The following DNAJC1 variants were observed in gnomAD, a reference collection of about 807,000 sequenced individuals.
The protein encoded by DNAJC1 is DnaJ heat shock protein family (Hsp40) member C1, also known as dnaJ homolog subfamily C member 1.
DNAJC1 carries 58 observed loss-of-function variants against 76.6 expected under a neutral mutation model. That is an observed-to-expected ratio of 0.76 (90% CI 0.61 to 0.94). The LOEUF (loss-of-function observed/expected upper bound fraction) is 0.94, where lower values mean the gene tolerates loss of function less well. Among genes scored for constraint, DNAJC1 ranks in the 40% least tolerant of loss-of-function variants. The probability of loss-of-function intolerance (pLI) is 0.00; values close to 1 mark genes in which losing one functional copy is unlikely to be tolerated. For synonymous variants in DNAJC1, 258 were observed against 267.9 expected (o/e 0.96, Z 0.36); for missense variants, 689 against 677.3 (o/e 1.02, Z -0.19).
At chr10:21,759,087 G>A (rs978972151) in intron 11 of DNAJC1, 83 bp downstream of exon 11, 124 of 1,369,544 alleles carry the variant, frequency 9.1e-5, no homozygotes, top group Non-Finnish European at 1.1e-4. Context: ...TAGGAATGAG[G>A]GAAGAAGCTG....
chr10:21,777,035 TAATAAGGTGCTATGTACA>T (rs1834461306), intron 9 of DNAJC1, among the ~76,000 whole-genome samples: 3 of 152,190 alleles, frequency 2.0e-5, no homozygotes. Flanking sequence ...TAACTATACA[TAATAAGGTGCTATGTACA>T]AATCAGAGTA....
chr10:21,840,947 C>T (rs1275336711), intron 8 of DNAJC1, among the ~76,000 whole-genome samples: 2 of 152,074 alleles, frequency 1.3e-5, no homozygotes, highest in Admixed American at 6.5e-5. Context: ...GAAATAATGC[C>T]GCATATCTAC....
intron 8 of DNAJC1, among the ~76,000 whole-genome samples, chr10:21,849,168 C>T (rs956006267): frequency 1.3e-5 from 2 of 151,688 alleles, no homozygotes; most frequent in African/African-American, 4.8e-5. Context: ...TGGCACGCAC[C>T]TGTAATCCCA....
chr10:21,784,029 A>T, intron 9 of DNAJC1, among the ~76,000 whole-genome samples: 1 of 152,254 alleles, frequency 6.6e-6, no homozygotes, highest in South Asian at 2.1e-4. Context: ...AAGCAATGGC[A>T]ACAAAAGCCA....
At chr10:21,967,429 A>G (rs1162364781) in intron 1 of DNAJC1, among the ~76,000 whole-genome samples, 1 of 152,138 alleles carries the variant, frequency 6.6e-6, no homozygotes, top group East Asian at 1.9e-4. Flanking sequence ...CTTGCACCAC[A>G]GTGTTCTAGG....
chr10:21,828,057 G>A (rs374010346), intron 8 of DNAJC1, among the ~76,000 whole-genome samples: 214 of 152,254 alleles, frequency 1.4e-3, no homozygotes, highest in African/African-American at 4.9e-3. Context: ...CCCCATCAGC[G>A]TCAATGAGAG....
At chr10:21,783,137 T>C (rs1396067276) in intron 9 of DNAJC1, among the ~76,000 whole-genome samples, 5 of 152,204 alleles carry the variant, frequency 3.3e-5, no homozygotes, top group Non-Finnish European at 5.9e-5. Context: ...GACATGATTG[T>C]ATATTTAGAA....
At chr10:21,791,372 T>C (rs113440029) in intron 9 of DNAJC1, among the ~76,000 whole-genome samples, 1 of 152,162 alleles carries the variant, frequency 6.6e-6, no homozygotes, top group Non-Finnish European at 1.5e-5. Flanking sequence ...TGAATTTGAA[T>C]TGCATCTTAG....
chr10:21,922,659 C>T (rs916877170), intron 3 of DNAJC1, among the ~76,000 whole-genome samples: 7 of 151,892 alleles, frequency 4.6e-5, no homozygotes, highest in Non-Finnish European at 7.4e-5. Context: ...AATACTGATT[C>T]ATTTTAAATG....
intron 8 of DNAJC1, among the ~76,000 whole-genome samples, chr10:21,877,474 T>A (rs1326196116): frequency 6.6e-6 from 1 of 152,026 alleles, no homozygotes; most frequent in Non-Finnish European, 1.5e-5. Context: ...GAACTCTTTA[T>A]AATCCAGTCT....
At chr10:21,804,930 C>T (rs1564792233) in intron 9 of DNAJC1, among the ~76,000 whole-genome samples, 1 of 152,112 alleles carries the variant, frequency 6.6e-6, no homozygotes, top group Non-Finnish European at 1.5e-5. Flanking sequence ...AAATCTGCAA[C>T]TTGAGCGCCA....
chr10:21,909,406 G>A (rs1836816158), intron 6 of DNAJC1, among the ~76,000 whole-genome samples: 3 of 151,938 alleles, frequency 2.0e-5, no homozygotes, highest in Admixed American at 2.0e-4. Context: ...TAGGATATGT[G>A]GTGATTATAT....
At chr10:21,788,807 C>T (rs1412854331) in intron 9 of DNAJC1, among the ~76,000 whole-genome samples, 6 of 152,158 alleles carry the variant, frequency 3.9e-5, no homozygotes, top group South Asian at 2.1e-4. Flanking sequence ...CCAGAGCACA[C>T]CTTCTTCCCT....
chr10:21,765,585 G>A (rs572709524), intron 10 of DNAJC1, among the ~76,000 whole-genome samples: 3 of 152,172 alleles, frequency 2.0e-5, no homozygotes, highest in Admixed American at 6.5e-5. Flanking sequence ...GGTGGCTCAC[G>A]CCTGTAATCC....
chr10:21,852,215 G>A (rs1223510756), intron 8 of DNAJC1, among the ~76,000 whole-genome samples: 1 of 151,964 alleles, frequency 6.6e-6, no homozygotes, highest in African/African-American at 2.4e-5. Context: ...AAAGGAGGCA[G>A]AAACAAAAGG....
intron 8 of DNAJC1, among the ~76,000 whole-genome samples, chr10:21,869,824 T>G (rs1836073130): frequency 1.3e-5 from 2 of 152,250 alleles, no homozygotes; most frequent in Admixed American, 1.3e-4. Flanking sequence ...GACATTGTAC[T>G]ACAGTTACAA....
intron 9 of DNAJC1, among the ~76,000 whole-genome samples, chr10:21,791,640 C>A (rs1012967929): frequency 3.3e-5 from 5 of 151,910 alleles, no homozygotes; most frequent in African/African-American, 7.3e-5. Context: ...CCTGAACGAC[C>A]AATTGGTCAA....
intron 8 of DNAJC1, among the ~76,000 whole-genome samples, chr10:21,860,405 A>C (rs970225862): frequency 2.0e-5 from 3 of 152,050 alleles, no homozygotes; most frequent in Admixed American, 6.6e-5. Context: ...TTAAAACTAG[A>C]ATTCAGGATG....
rs1257854409 is a variant in DNAJC1, at chr10:21,929,233, A to G, written c.223-92T>C. 4.8e-6 allele frequency: 4 copies of G among 829,820 alleles called. No homozygotes were observed. In the East Asian group the frequency reaches 1.1e-4, roughly 23 times the overall value. The allele number at this position is 829,820 out of a possible 1,614,324, so 51.4% of individuals were successfully genotyped here. On this transcript the variant is annotated intron_variant, in intron 1 of 11. Coordinates refer to ENST00000376980, the MANE Select transcript of DNAJC1 (RefSeq NM_022365.4). ...TTGTTAAGATCTGAGAAGACAGCCAACCAAGTGCAGGACCCCAGGCAATGT... is the reference window on the plus strand; with the variant it reads ...TTGTTAAGATCTGAGAAGACAGCCAGCCAAGTGCAGGACCCCAGGCAATGT...
Sources: allele counts gnomAD v4.1 joint callset (sites outside exome capture counted in the v4.1 genomes callset), GRCh38; gene constraint gnomAD v4.1.1; transcripts MANE v1.5; gene names NCBI Gene and HGNC (gene_info 2026-07-23, HGNC 2026-07-21).